Variants in PCDHA2 observed in about 807,000 individuals in gnomAD.
PCDHA2 encodes protocadherin alpha 2, also known as protocadherin alpha-2.
PCDHA2 carries 58 observed loss-of-function variants against 66.0 expected under a neutral mutation model. The observed-to-expected ratio is 0.88, with a 90% CI of 0.71 to 1.09. The LOEUF is 1.09. Among genes scored for constraint, PCDHA2 ranks in the 50% least tolerant of loss-of-function variants. The pLI is 0.00. For missense variants in PCDHA2, 1,267 were observed against 1,242.3 expected (o/e 1.02, Z -0.30); for synonymous variants, 634 against 554.0 (o/e 1.14, Z -2.03).
At chr5:140,807,948 A>G (rs1046867611) in intron 1 of PCDHA2, 2 of 1,614,124 alleles carry the variant, frequency 1.2e-6, no homozygotes, top group East Asian at 2.2e-5. Context: ...TTACTAGAAA[A>G]TGTTCCTAAT....
rs1278846442 is a variant in PCDHA2, at chr5:140,796,447, G to A, written c.1483G>A (p.Val495Met). The A allele has an allele frequency of 6.2e-7, 1 of 1,613,086 alleles. No homozygotes were observed. The highest frequency in any genetic ancestry group is 1.7e-5 in the Admixed American group (1 of 60,000). ...QENALVSYSL[V>M]ERRVGERALS... ...GAACGCGCTGGTGTCCTACTCGCTG[G>A]TGGAGCGGCGGGTGGGCGAGCGCGC... Residue 495 changes from valine (V) to methionine (M), a missense_variant, in exon 1 of 4, where the codon GTG (valine) becomes ATG (methionine). By Grantham distance (21) the Val-to-Met change is conservative (BLOSUM62 1). Transcript: ENST00000526136.
At chr5:140,890,374 A>G (rs1045149611) in intron 1 of PCDHA2, among the ~76,000 whole-genome samples, 1 of 152,000 alleles carries the variant, frequency 6.6e-6, no homozygotes, top group South Asian at 2.1e-4. Context: ...CTGAACAAGT[A>G]CTCTTTCTTA....
chr5:140,882,813 C>T lies in PCDHA2; in HGVS notation c.2388+85461C>T, dbSNP rs782169035. On this transcript the variant is annotated intron_variant, in intron 1 of 3. Transcript: ENST00000526136. ...CCCAACGATTATTTCACTTTGGACG[C>T]ACAAAACAGTCTTGAGCAAATGTCT... 4 of 1,614,176 alleles carry T rather than the reference C, an allele frequency of 2.5e-6. No individual in the cohort carries two copies. The East Asian group carries it at 6.7e-5, about 27-fold the overall frequency.
chr5:140,882,309 T>C (rs745321942), intron 1 of PCDHA2: 1 of 1,614,090 alleles, frequency 6.2e-7, no homozygotes, highest in Non-Finnish European at 8.5e-7. Flanking sequence ...CCGCGGCAAC[T>C]ACTGCTCTGG....
intron 1 of PCDHA2, chr5:140,876,792 A>T: frequency 6.2e-7 from 1 of 1,614,116 alleles, no homozygotes; most frequent in Non-Finnish European, 8.5e-7. Context: ...CCACGGCTAG[A>T]GTGTCCGTGG....
chr5:140,823,265 G>C (rs2150124128), intron 1 of PCDHA2: 1 of 1,612,922 alleles, frequency 6.2e-7, no homozygotes, highest in Admixed American at 1.7e-5. Flanking sequence ...GTGGAGCGGC[G>C]GGTGGGCGAG....
At chr5:140,837,464 C>T (rs1295340702) in intron 1 of PCDHA2, among the ~76,000 whole-genome samples, 1 of 151,746 alleles carries the variant, frequency 6.6e-6, no homozygotes, top group African/African-American at 2.4e-5. Flanking sequence ...CTCCTTGCCT[C>T]CTCAAACCCC....
intron 1 of PCDHA2, chr5:140,969,141 G>A: frequency 6.2e-7 from 1 of 1,614,158 alleles, no homozygotes; most frequent in South Asian, 1.1e-5. Flanking sequence ...AAGACCTACT[G>A]CTACAAGGCC....
chr5:140,885,430 A>T (rs1216159578), intron 1 of PCDHA2, among the ~76,000 whole-genome samples: 2 of 152,132 alleles, frequency 1.3e-5, no homozygotes, highest in African/African-American at 4.8e-5. Context: ...CCACAGTGTA[A>T]GTGTGCAATT....
chr5:140,868,238 C>T (rs1413759486), intron 1 of PCDHA2: 6 of 151,984 alleles, frequency 3.9e-5, no homozygotes, highest in African/African-American at 7.2e-5. Flanking sequence ...TCATCTAGAT[C>T]AATAGACTTT....
chr5:140,955,001 A>G (rs551398126), intron 1 of PCDHA2, among the ~76,000 whole-genome samples: 101 of 152,200 alleles, frequency 6.6e-4, no homozygotes, highest in Middle Eastern at 6.8e-3. Flanking sequence ...TGGCTAGCCA[A>G]TTCTCCCAGC....
chr5:140,823,667 G>A (rs1767828403), intron 1 of PCDHA2: 1 of 1,614,024 alleles, frequency 6.2e-7, no homozygotes. Context: ...GGCGAGATCA[G>A]CACAACACGC....
intron 1 of PCDHA2, among the ~76,000 whole-genome samples, chr5:140,820,965 T>A (rs1417845023): frequency 6.6e-6 from 1 of 152,098 alleles, no homozygotes; most frequent in Non-Finnish European, 1.5e-5. Context: ...TTTGAGTCAA[T>A]ACAAAAAGTA....
chr5:140,842,757 C>T (rs1481721691), intron 1 of PCDHA2: 2 of 1,594,844 alleles, frequency 1.3e-6, no homozygotes, highest in Non-Finnish European at 1.7e-6. Flanking sequence ...ACGGTGTCTG[C>T]GCGAGACGCG....
rs115218749 is a variant in PCDHA2, at chr5:140,850,537, G to A, written c.2388+53185G>A. On this transcript the variant is annotated intron_variant, in intron 1 of 3. Transcript: ENST00000526136. ...GGCCAGGCGCCAAAGTCATCGTCGC[G>A]GGCGTCAGTGGGTGCCACGGGCCCC... 5,564 of 1,598,212 alleles carry A rather than the reference G, an allele frequency of 3.5e-3. 468 individuals are homozygous for A. The African/African-American group carries it at 0.059, about 17-fold the overall frequency.
chr5:140,823,758 A>T (rs1767862573), intron 1 of PCDHA2: 3 of 1,613,872 alleles, frequency 1.9e-6, no homozygotes, highest in Non-Finnish European at 2.5e-6. Flanking sequence ...TGACAGCCAC[A>T]GCCACAGTGC....
chr5:140,823,999 A>G, intron 1 of PCDHA2: 1 of 1,614,146 alleles, frequency 6.2e-7, no homozygotes, highest in Non-Finnish European at 8.5e-7. Context: ...GTTGTGCTCC[A>G]GCGCGGTGGG....
intron 1 of PCDHA2, chr5:140,969,203 G>T (rs781962982): frequency 8.1e-6 from 13 of 1,614,178 alleles, no homozygotes; most frequent in Non-Finnish European, 1.1e-5. Flanking sequence ...CAATACAGGG[G>T]CCCAGACAGG....
Position 140,842,183 on chromosome 5 carries a change from A to G in PCDHA2, c.2388+44831A>G, listed in dbSNP as rs1554138845. On this transcript the variant is annotated intron_variant, in intron 1 of 3. Transcript: ENST00000526136. ...TTCTTTTAATAGCCTTGTTGAAACT[A>G]TGGTTATTGACCACTTTAGCATAGA... is the stretch of plus-strand genomic sequence containing the variant. The G allele has an allele frequency of 1.9e-6, 3 of 1,613,754 alleles. No individual in the cohort carries two copies. In the East Asian group the frequency reaches 6.7e-5, roughly 36 times the overall value.
Sources: allele counts gnomAD v4.1 joint callset (sites outside exome capture counted in the v4.1 genomes callset), GRCh38; gene constraint gnomAD v4.1.1; transcripts MANE v1.5; gene names NCBI Gene and HGNC (gene_info 2026-07-23, HGNC 2026-07-21).